The following CNTN1 variants were observed in gnomAD, a reference collection of about 807,000 sequenced individuals.
CNTN1 encodes contactin-1.
Under a neutral mutation model 126.4 loss-of-function variants are expected in CNTN1, and 38 were observed. The observed-to-expected ratio is 0.30, with a 90% CI of 0.23 to 0.39. CNTN1 has a LOEUF of 0.39. Among genes scored for constraint, CNTN1 ranks in the 10% least tolerant of loss-of-function variants. CNTN1 has a pLI of 1.00. For missense variants in CNTN1, 1,009 were observed against 1,248.4 expected (o/e 0.81, Z 2.89); for synonymous variants, 413 against 422.6 (o/e 0.98, Z 0.28).
chr12:40,765,199 C>T (rs938178668), intron 1 of CNTN1, among the ~76,000 whole-genome samples: 1 of 151,958 alleles, frequency 6.6e-6, no homozygotes, highest in Non-Finnish European at 1.5e-5. Flanking sequence ...AACTCTAGAT[C>T]CTTGCTTTGT....
At chr12:40,766,136 T>C (rs1939075926) in intron 1 of CNTN1, among the ~76,000 whole-genome samples, 1 of 152,064 alleles carries the variant, frequency 6.6e-6, no homozygotes, top group Non-Finnish European at 1.5e-5. Context: ...GGCCCGCAGA[T>C]CACTTGAGGT....
chr12:40,735,688 TGAA>T (rs1258095227), intron 1 of CNTN1, among the ~76,000 whole-genome samples: 4 of 152,236 alleles, frequency 2.6e-5, no homozygotes, highest in African/African-American at 9.6e-5. Flanking sequence ...CAATTTAAGA[TGAA>T]GAGCTGTCAA....
chr12:40,780,365 C>G (rs535873511), intron 1 of CNTN1, among the ~76,000 whole-genome samples: 1 of 151,596 alleles, frequency 6.6e-6, no homozygotes, highest in Non-Finnish European at 1.5e-5. Context: ...GTTTAAGACC[C>G]CTAGGAATTC....
chr12:40,801,861 G>C (rs1940667790), intron 1 of CNTN1, among the ~76,000 whole-genome samples: 1 of 151,732 alleles, frequency 6.6e-6, no homozygotes. Context: ...TAGCAAGCAG[G>C]AGTGTGAATA....
chr12:40,727,018 CTAA>C (rs1209939546), intron 1 of CNTN1, among the ~76,000 whole-genome samples: 3 of 149,398 alleles, frequency 2.0e-5, no homozygotes, highest in Non-Finnish European at 4.5e-5. Context: ...TTTAAAAATT[CTAA>C]TAATAAAATT....
At chr12:41,069,392 G>T (rs1484470856) in intron 23 of CNTN1, among the ~76,000 whole-genome samples, 1 of 152,040 alleles carries the variant, frequency 6.6e-6, no homozygotes, top group Non-Finnish European at 1.5e-5. Context: ...TGTTGTCATT[G>T]TTTCAGGAAA....
At chr12:40,697,626 A>T (rs937885952) in intron 1 of CNTN1, among the ~76,000 whole-genome samples, 2 of 152,208 alleles carry the variant, frequency 1.3e-5, no homozygotes, top group Non-Finnish European at 2.9e-5. Context: ...TTAACGGAGA[A>T]TTGAATATAA....
At chr12:40,707,365 C>G (rs1477818015) in intron 1 of CNTN1, among the ~76,000 whole-genome samples, 1 of 151,436 alleles carries the variant, frequency 6.6e-6, no homozygotes, top group Non-Finnish European at 1.5e-5. Flanking sequence ...TCTCCTGCCT[C>G]AGCCTCCCGA....
rs548268995 is a variant in CNTN1, at chr12:40,773,005, G to A, written c.-77+80413G>A. Among the ~76,000 whole-genome samples the A allele has an allele frequency of 2.0e-5, 3 of 151,922 alleles. No individual in the cohort carries two copies. The South Asian group carries it at 6.2e-4, about 32-fold the overall frequency. On this transcript the variant is annotated intron_variant, in intron 1 of 23. Transcript: ENST00000551295. Reference sequence around the variant, plus strand: ...ATCGTGGATTGGATATACGCACATTGGATATACATATATTCCAAACTTTTG... The same window carrying A: ...ATCGTGGATTGGATATACGCACATTAGATATACATATATTCCAAACTTTTG...
chr12:40,959,472 T>G (rs1947027222), intron 15 of CNTN1, among the ~76,000 whole-genome samples: 1 of 152,116 alleles, frequency 6.6e-6, no homozygotes, highest in Non-Finnish European at 1.5e-5. Context: ...TTACACCACA[T>G]ATCTCCTACT....
At chr12:40,988,313 A>T (rs935159694) in intron 16 of CNTN1, among the ~76,000 whole-genome samples, 7 of 152,126 alleles carry the variant, frequency 4.6e-5, no homozygotes, top group Non-Finnish European at 8.8e-5. Flanking sequence ...TGGGTTTTAG[A>T]TTGAAATGGG....
intron 1 of CNTN1, among the ~76,000 whole-genome samples, chr12:40,872,919 G>A (rs1943552105): frequency 6.6e-6 from 1 of 151,978 alleles, no homozygotes; most frequent in African/African-American, 2.4e-5. Context: ...TTATGAATCT[G>A]GTACTATTAT....
At chr12:40,999,456 AATC>A (rs1247988538) in intron 17 of CNTN1, among the ~76,000 whole-genome samples, 1 of 152,142 alleles carries the variant, frequency 6.6e-6, no homozygotes, top group Non-Finnish European at 1.5e-5. Flanking sequence ...CCCTGAAACA[AATC>A]ATGCTTTGGC....
intron 1 of CNTN1, among the ~76,000 whole-genome samples, chr12:40,701,269 C>A (rs1941587877): frequency 6.6e-6 from 1 of 151,902 alleles, no homozygotes. Flanking sequence ...GTGCAGTTTC[C>A]CAAGCATGAA....
In CNTN1 at chr12:41,029,693, T is replaced by C. The variant is rs138521802; in HGVS notation, c.2980+474T>C. On this transcript the variant is annotated intron_variant, in intron 23 of 23. Coordinates refer to ENST00000551295, the MANE Select transcript of CNTN1 (RefSeq NM_001843.4). ...GCTATTATTTAATAATAACCAAACT[T>C]CTATCAAAAGGAAATACACTAGGCT... 4.0e-3 allele frequency among the ~76,000 whole-genome samples: 602 copies of C among 152,228 alleles called. 7 individuals carry two copies. Among genetic ancestry groups the C allele is most frequent in the African/African-American group, 0.014 (580 of 41,564 alleles).
intron 1 of CNTN1, among the ~76,000 whole-genome samples, chr12:40,877,233 A>G (rs1404351553): frequency 6.6e-6 from 1 of 152,214 alleles, no homozygotes; most frequent in African/African-American, 2.4e-5. Flanking sequence ...TTTCCACAGA[A>G]AAGTTTGAAG....
intron 16 of CNTN1, among the ~76,000 whole-genome samples, chr12:40,983,698 A>G (rs1330902234): frequency 6.7e-6 from 1 of 149,106 alleles, no homozygotes; most frequent in East Asian, 1.9e-4. Context: ...ACATAGTTCT[A>G]TTTCATTCTT....
At chr12:40,791,179 A>C (rs1387193935) in intron 1 of CNTN1, among the ~76,000 whole-genome samples, 1 of 152,096 alleles carries the variant, frequency 6.6e-6, no homozygotes, top group East Asian at 1.9e-4. Flanking sequence ...TAGTTCATCA[A>C]CTTTTTTTGT....
chr12:40,786,283 T>TG (rs1231662545), intron 1 of CNTN1, among the ~76,000 whole-genome samples: 15 of 152,290 alleles, frequency 9.8e-5, no homozygotes, highest in African/African-American at 3.6e-4. Context: ...AGAATGCCTT[T>TG]GTGTACCACC....
Sources: allele counts gnomAD v4.1 joint callset (sites outside exome capture counted in the v4.1 genomes callset), GRCh38; gene constraint gnomAD v4.1.1; transcripts MANE v1.5; gene names NCBI Gene and HGNC (gene_info 2026-07-23, HGNC 2026-07-21).